ZHX2: variants seen among roughly 807,000 people sequenced by gnomAD.
The protein encoded by ZHX2 is zinc fingers and homeoboxes protein 2.
In ZHX2, 6 loss-of-function variants were observed where a neutral mutation model predicts 21.9. That is an observed-to-expected ratio of 0.27 (90% CI 0.15 to 0.54). The LOEUF (loss-of-function observed/expected upper bound fraction) is 0.54, where lower values mean the gene tolerates loss of function less well. Among genes scored for constraint, ZHX2 ranks in the 20% least tolerant of loss-of-function variants. The pLI is 0.95. For synonymous variants in ZHX2, 434 were observed against 437.1 expected, an observed-to-expected ratio of 0.99 and a Z score of 0.09; for missense variants, 908 against 1,090.7, an observed-to-expected ratio of 0.83 and a Z score of 2.36.
At chr8:122,937,239 G>T (rs1170273588) in intron 2 of ZHX2, among the ~76,000 whole-genome samples, 3 of 152,260 alleles carry the variant, frequency 2.0e-5, no homozygotes, top group African/African-American at 7.2e-5. Context: ...AGCAGAGTCA[G>T]GAAGGCCTGG....
chr8:122,820,942 C>G (rs1818134185), intron 1 of ZHX2, among the ~76,000 whole-genome samples: 1 of 152,186 alleles, frequency 6.6e-6, no homozygotes, highest in South Asian at 2.1e-4. Flanking sequence ...TTATGTCTCC[C>G]TGACATGGAA....
At chr8:122,838,184 T>TG (rs1258256003) in intron 1 of ZHX2, among the ~76,000 whole-genome samples, 1 of 152,180 alleles carries the variant, frequency 6.6e-6, no homozygotes, top group Non-Finnish European at 1.5e-5. Context: ...CAAATAGCTG[T>TG]GGGAAGAGAG....
At chr8:122,848,714 G>T (rs185452621) in intron 1 of ZHX2, among the ~76,000 whole-genome samples, 2 of 152,294 alleles carry the variant, frequency 1.3e-5, no homozygotes, top group East Asian at 3.9e-4. Context: ...GGCATTGGTG[G>T]GAGAGGGAAT....
intron 3 of ZHX2, among the ~76,000 whole-genome samples, chr8:122,971,471 C>G (rs561949196): frequency 6.6e-6 from 1 of 151,804 alleles, no homozygotes; most frequent in African/African-American, 2.4e-5. Flanking sequence ...TTCTTAACTC[C>G]AATATTCAAT....
chr8:122,953,418 T>C lies in ZHX2; in HGVS notation c.1908T>C (p.Ser636=), dbSNP rs1183847797. Residue 636 remains serine, a synonymous_variant, in exon 3 of 4, where the codon AGT becomes AGC. Transcript: ENST00000314393. The surrounding 1 kb of genome is among the most constrained non-coding windows in gnomAD (Gnocchi z 4.6). ...LPSPSPAIAK[S]QEQVHLLRST... is the part of the protein sequence containing the mutation. ...GCCCTTCGCCAGCAATTGCAAAAAG[T>C]CAAGAACAGGTTCATCTCCTGAGGA... is the stretch of plus-strand genomic sequence containing the variant. 6.2e-7 allele frequency: 1 copy of C among 1,614,038 alleles called. No individual in the cohort carries two copies. The highest frequency in any genetic ancestry group is 1.7e-5 in the Admixed American group (1 of 60,014).
At chr8:122,790,541 A>C (rs1451818137) in intron 1 of ZHX2, among the ~76,000 whole-genome samples, 3 of 152,166 alleles carry the variant, frequency 2.0e-5, no homozygotes, top group Non-Finnish European at 4.4e-5. Flanking sequence ...ACAGGCACAA[A>C]TCTACATGCC....
At chr8:122,919,213 C>A (rs1820678662) in intron 2 of ZHX2, among the ~76,000 whole-genome samples, 1 of 152,220 alleles carries the variant, frequency 6.6e-6, no homozygotes, top group Non-Finnish European at 1.5e-5. Context: ...TTACTCATCT[C>A]TTCCTCCTTC....
chr8:122,945,780 TC>T (rs938373817), intron 2 of ZHX2, among the ~76,000 whole-genome samples: 3 of 152,204 alleles, frequency 2.0e-5, no homozygotes, highest in Non-Finnish European at 4.4e-5. Context: ...TCTGACTTGT[TC>T]AGGCAACCTC....
chr8:122,925,812 C>T (rs1002774078), intron 2 of ZHX2, among the ~76,000 whole-genome samples: 2 of 151,996 alleles, frequency 1.3e-5, no homozygotes, highest in African/African-American at 4.8e-5. Context: ...TTCAGGAATG[C>T]TAGGGAGCCA....
intron 2 of ZHX2, among the ~76,000 whole-genome samples, chr8:122,865,467 C>T (rs1372995661): frequency 6.6e-6 from 1 of 152,184 alleles, no homozygotes; most frequent in Non-Finnish European, 1.5e-5. Flanking sequence ...GCTTTGAGGA[C>T]AGGTACTGTG....
chr8:122,806,641 C>T (rs1036549454), intron 1 of ZHX2, among the ~76,000 whole-genome samples: 3 of 152,160 alleles, frequency 2.0e-5, no homozygotes, highest in African/African-American at 7.2e-5. Context: ...GCTGAAAGTC[C>T]GACCTCCCCT....
At chr8:122,885,981 G>T (rs571948098) in intron 2 of ZHX2, among the ~76,000 whole-genome samples, 4 of 152,250 alleles carry the variant, frequency 2.6e-5, no homozygotes, top group Non-Finnish European at 4.4e-5. Context: ...ATGGGTCAGG[G>T]TGTTTGAAAG....
intron 2 of ZHX2, among the ~76,000 whole-genome samples, chr8:122,884,293 A>G (rs1046317178): frequency 2.6e-5 from 4 of 152,224 alleles, no homozygotes; most frequent in Admixed American, 1.3e-4. Flanking sequence ...GTTCAGTCGG[A>G]TAAAGTTTTC....
intron 1 of ZHX2, among the ~76,000 whole-genome samples, chr8:122,790,116 T>C (rs890784338): frequency 2.0e-5 from 3 of 152,204 alleles, no homozygotes; most frequent in Non-Finnish European, 4.4e-5. Flanking sequence ...GGATATATAA[T>C]GTCCTCTGGA....
At chr8:122,867,056 C>T (rs989896055) in intron 2 of ZHX2, among the ~76,000 whole-genome samples, 4 of 151,584 alleles carry the variant, frequency 2.6e-5, no homozygotes, top group South Asian at 2.1e-4. Context: ...GGGTCTCGAA[C>T]CCCTGGACCT....
chr8:122,870,266 G>A (rs1161496799), intron 2 of ZHX2, among the ~76,000 whole-genome samples: 1 of 152,166 alleles, frequency 6.6e-6, no homozygotes, highest in Non-Finnish European at 1.5e-5. Flanking sequence ...GGAGCTGTTT[G>A]CAGGGAGCAA....
intron 1 of ZHX2, among the ~76,000 whole-genome samples, chr8:122,848,664 A>G (rs369491406): frequency 6.6e-6 from 1 of 152,192 alleles, no homozygotes; most frequent in Admixed American, 6.5e-5. Context: ...TTTTGCCTGG[A>G]TTCCCATATT....
intron 1 of ZHX2, among the ~76,000 whole-genome samples, chr8:122,784,697 G>T (rs1347424611): frequency 6.6e-6 from 1 of 152,166 alleles, no homozygotes; most frequent in Non-Finnish European, 1.5e-5. Context: ...ATTTTTGTAT[G>T]CCAGGCACTA....
intron 1 of ZHX2, among the ~76,000 whole-genome samples, chr8:122,857,948 T>C (rs1207966187): frequency 6.6e-6 from 1 of 152,234 alleles, no homozygotes. Flanking sequence ...AAATGACATA[T>C]GCGTTTTATT....
Sources: gnomAD v4.1 joint callset for allele counts (sites outside exome capture counted in the v4.1 genomes callset) on GRCh38, gnomAD v4.1.1 for gene constraint, Gnocchi (gnomAD v3.1) non-coding constraint, MANE v1.5 for transcripts, NCBI Gene and HGNC (gene_info 2026-07-23, HGNC 2026-07-21) for gene names.